Variants in SCFD1 observed in about 807,000 individuals in gnomAD.
SCFD1 encodes sec1 family domain-containing protein 1.
Under a neutral mutation model 103.2 loss-of-function variants are expected in SCFD1, and 37 were observed. The observed-to-expected ratio is 0.36, with a 90% CI of 0.28 to 0.47. The LOEUF is 0.47. SCFD1 is among the 20% of genes least tolerant of loss of function. The pLI, the probability that SCFD1 is intolerant of heterozygous loss-of-function variation, is 1.00. For synonymous variants in SCFD1, 264 were observed against 245.0 expected (o/e 1.08, Z -0.73); for missense variants, 639 against 761.2 (o/e 0.84, Z 1.89).
intron 4 of SCFD1, among the ~76,000 whole-genome samples, chr14:30,635,682 C>A (rs776661296): frequency 6.6e-6 from 1 of 151,974 alleles, no homozygotes; most frequent in Non-Finnish European, 1.5e-5. Flanking sequence ...TGGATTGTTT[C>A]TACCTTTTGG....
chr14:30,631,759 G>A (rs1335482899), intron 3 of SCFD1, among the ~76,000 whole-genome samples: 4 of 152,060 alleles, frequency 2.6e-5, no homozygotes, highest in African/African-American at 9.7e-5. Context: ...AACATTTGGA[G>A]AAGGGGCCAG....
intron 1 of SCFD1, among the ~76,000 whole-genome samples, chr14:30,623,452 A>G (rs1406277169): frequency 6.6e-6 from 1 of 152,210 alleles, no homozygotes; most frequent in Non-Finnish European, 1.5e-5. Flanking sequence ...TTCCCAGTAA[A>G]TAATTTAGTA....
chr14:30,697,380 C>A (rs759261719), intron 15 of SCFD1, among the ~76,000 whole-genome samples: 6 of 152,100 alleles, frequency 3.9e-5, no homozygotes, highest in Admixed American at 6.5e-5. Context: ...CAGATTATAA[C>A]CCACTGATAA....
At chr14:30,688,920 A>T (rs1890049046) in intron 14 of SCFD1, among the ~76,000 whole-genome samples, 1 of 88,628 alleles carries the variant, frequency 1.1e-5, no homozygotes, top group Non-Finnish European at 1.9e-5. Flanking sequence ...GATGGTCTTT[A>T]CATTTTGGCA....
chr14:30,628,176 A>G, intron 1 of SCFD1, 33 bp from the exon 2 acceptor site: 1 of 1,498,828 alleles, frequency 6.7e-7, no homozygotes. Flanking sequence ...CTAAAAAACA[A>G]TGACAATATT....
chr14:30,713,800 T>C (rs1234364580), intron 19 of SCFD1, among the ~76,000 whole-genome samples: 1 of 152,190 alleles, frequency 6.6e-6, no homozygotes, highest in East Asian at 1.9e-4. Flanking sequence ...TTCGTAAAAT[T>C]TTACAAAACA....
chr14:30,707,507 G>A (rs1280345362), intron 18 of SCFD1, among the ~76,000 whole-genome samples: 1 of 152,144 alleles, frequency 6.6e-6, no homozygotes, highest in Non-Finnish European at 1.5e-5. Context: ...TCCAGCTGCT[G>A]ATAAAAGAGA....
intron 10 of SCFD1, among the ~76,000 whole-genome samples, chr14:30,655,069 C>T (rs77033158): frequency 6.6e-6 from 1 of 152,290 alleles, no homozygotes; most frequent in East Asian, 1.9e-4. Flanking sequence ...CTAGAGCTTA[C>T]ATTCTAGTAG....
intron 10 of SCFD1, among the ~76,000 whole-genome samples, chr14:30,665,888 C>A (rs923934975): frequency 2.6e-5 from 4 of 152,032 alleles, no homozygotes; most frequent in African/African-American, 9.7e-5. Flanking sequence ...AAACAAGATT[C>A]ATAAAACAAA....
chr14:30,674,831 A>G (rs111883983), intron 13 of SCFD1, among the ~76,000 whole-genome samples, 153 bp from the exon 14 acceptor site: 12 of 152,218 alleles, frequency 7.9e-5, no homozygotes, highest in African/African-American at 2.2e-4. Flanking sequence ...TAGGTGTTCA[A>G]GTCTAGAGAT....
At chr14:30,701,215 C>T (rs1402683311) in intron 16 of SCFD1, among the ~76,000 whole-genome samples, 1 of 152,126 alleles carries the variant, frequency 6.6e-6, no homozygotes, top group Non-Finnish European at 1.5e-5. Flanking sequence ...AAAACTAAAC[C>T]TGATATTTGC....
intron 14 of SCFD1, among the ~76,000 whole-genome samples, chr14:30,684,747 T>C (rs1205353160): frequency 4.2e-5 from 6 of 141,870 alleles, no homozygotes; most frequent in Non-Finnish European, 9.1e-5. Flanking sequence ...TTTTTTTTTT[T>C]ACTTTTTAAA....
intron 7 of SCFD1, among the ~76,000 whole-genome samples, chr14:30,648,740 C>A (rs1419581680): frequency 6.6e-6 from 1 of 152,120 alleles, no homozygotes; most frequent in Non-Finnish European, 1.5e-5. Context: ...TTGTCTACAA[C>A]CTTTCGAGTA....
intron 4 of SCFD1, among the ~76,000 whole-genome samples, chr14:30,636,749 T>G (rs1884764310): frequency 6.6e-6 from 1 of 152,108 alleles, no homozygotes; most frequent in African/African-American, 2.4e-5. Flanking sequence ...GTTTTGTGCT[T>G]CTTTTGTTAA....
chr14:30,726,415 TTGGTCATAGGATGTGTTCATA>T (rs1188694363), intron 23 of SCFD1, among the ~76,000 whole-genome samples: 2 of 152,330 alleles, frequency 1.3e-5, no homozygotes, highest in Admixed American at 1.3e-4. Flanking sequence ...GCTCATTCAT[TTGGTCATAGGATGTGTTCATA>T]TGAACCTCAC....
rs1566657045 is a variant in SCFD1, at chr14:30,715,756, C to T, written c.1630-168C>T. On this transcript the variant is annotated intron_variant, in intron 19 of 24. Coordinates refer to ENST00000458591, the MANE Select transcript of SCFD1 (RefSeq NM_016106.4). The stretch of plus-strand genomic sequence containing the variant: ...TTTCCTGTGGAAACTTGAGTAGTGC[C>T]AAGAGTATTTACATCTTTGACATCA... The T allele has an allele frequency of 1.9e-5, 10 of 522,228 alleles. No homozygotes were observed. The South Asian group carries it at 2.7e-4, about 14-fold the overall frequency. The allele number at this position is 522,228 out of a possible 1,614,324, so 32.3% of individuals were successfully genotyped here.
intron 23 of SCFD1, among the ~76,000 whole-genome samples, chr14:30,728,836 C>T (rs1410912621): frequency 7.7e-6 from 1 of 130,634 alleles, no homozygotes; most frequent in Non-Finnish European, 1.6e-5. Context: ...GATCCTTTGT[C>T]CCTTTTTTTT....
intron 2 of SCFD1, 32 bp from the exon 3 acceptor site, chr14:30,630,445 T>C (rs780570274): frequency 1.6e-6 from 2 of 1,248,770 alleles, no homozygotes; most frequent in Admixed American, 1.7e-5. Context: ...GGTTGTTCAC[T>C]GATAATGATG....
At chr14:30,708,875 T>C (rs1891666349) in intron 19 of SCFD1, among the ~76,000 whole-genome samples, 1 of 152,206 alleles carries the variant, frequency 6.6e-6, no homozygotes, top group Admixed American at 6.5e-5. Context: ...CTGTGATTTT[T>C]CTATTCTAAT....
Sources: allele counts gnomAD v4.1 joint callset (sites outside exome capture counted in the v4.1 genomes callset), GRCh38; gene constraint gnomAD v4.1.1; transcripts MANE v1.5; gene names NCBI Gene and HGNC (gene_info 2026-07-23, HGNC 2026-07-21).